The following PRKACB variants were observed in gnomAD, a reference collection of about 807,000 sequenced individuals.
PRKACB encodes the protein cAMP-dependent protein kinase catalytic subunit beta.
In PRKACB, 16 loss-of-function variants were observed where a neutral mutation model predicts 51.4. The observed-to-expected ratio is 0.31, with a 90% confidence interval of 0.21 to 0.47. The LOEUF is 0.47. Among genes scored for constraint, PRKACB ranks in the 20% least tolerant of loss-of-function variants. The pLI, the probability that PRKACB is intolerant of heterozygous loss-of-function variation, is 1.00. For missense variants in PRKACB, 309 were observed against 464.5 expected, an observed-to-expected ratio of 0.67 and a Z score of 3.08; for synonymous variants, 147 against 154.4, an observed-to-expected ratio of 0.95 and a Z score of 0.35.
chr1:84,130,433 T>A (rs1415849057), intron 1 of PRKACB, among the ~76,000 whole-genome samples: 5 of 151,884 alleles, frequency 3.3e-5, no homozygotes, highest in Non-Finnish European at 7.4e-5. Flanking sequence ...AAAGAGTCAG[T>A]GAATTAGAAC....
At chr1:84,219,645 A>G (rs1673406258) in intron 9 of PRKACB, among the ~76,000 whole-genome samples, 1 of 150,552 alleles carries the variant, frequency 6.6e-6, no homozygotes, top group Non-Finnish European at 1.5e-5. Flanking sequence ...AGAGAGAGGG[A>G]TCTAGTTTCA....
At chr1:84,082,016 T>G (rs1293793260) in intron 1 of PRKACB, among the ~76,000 whole-genome samples, 1 of 152,200 alleles carries the variant, frequency 6.6e-6, no homozygotes, top group Non-Finnish European at 1.5e-5. Context: ...AACTAACATT[T>G]TTTGAGGACT....
At chr1:84,146,964 G>A (rs1654181994) in intron 1 of PRKACB, among the ~76,000 whole-genome samples, 1 of 151,996 alleles carries the variant, frequency 6.6e-6, no homozygotes, top group African/African-American at 2.4e-5. Context: ...AAGCATGGAG[G>A]AATTCTGCTT....
chr1:84,199,956 G>A (rs141407254), intron 7 of PRKACB, among the ~76,000 whole-genome samples: 13 of 151,940 alleles, frequency 8.6e-5, no homozygotes, highest in East Asian at 3.9e-4. Context: ...AGCGATTCTC[G>A]TGCTTCAGGC....
intron 9 of PRKACB, among the ~76,000 whole-genome samples, chr1:84,234,437 T>C (rs574338826): frequency 9.9e-4 from 151 of 152,358 alleles, no homozygotes; most frequent in African/African-American, 3.5e-3. Flanking sequence ...TGTGGTGGGC[T>C]CCACCCAGTT....
At chr1:84,181,119 G>C (rs1398106313) in intron 2 of PRKACB, among the ~76,000 whole-genome samples, 1 of 151,970 alleles carries the variant, frequency 6.6e-6, no homozygotes, top group East Asian at 1.9e-4. Context: ...AGAATTGCCT[G>C]CTGTCTGTAA....
At chr1:84,187,434 C>T (rs2101054421) in intron 5 of PRKACB, among the ~76,000 whole-genome samples, 1 of 152,232 alleles carries the variant, frequency 6.6e-6, no homozygotes, top group African/African-American at 2.4e-5. Flanking sequence ...AAAAGCTGTT[C>T]ACACCATGGA....
At chr1:84,181,187 A>G (rs1427794714) in intron 2 of PRKACB, among the ~76,000 whole-genome samples, 1 of 151,940 alleles carries the variant, frequency 6.6e-6, no homozygotes, top group Non-Finnish European at 1.5e-5. Flanking sequence ...TGCAATACAG[A>G]TAAAATCCAA....
intron 2 of PRKACB, among the ~76,000 whole-genome samples, chr1:84,181,418 G>A (rs557512095): frequency 6.6e-6 from 1 of 151,932 alleles, no homozygotes; most frequent in South Asian, 2.1e-4. Flanking sequence ...ATTTTGTTGT[G>A]GCAGGAACAA....
At chr1:84,191,074 A>T (rs1417755339) in intron 5 of PRKACB, among the ~76,000 whole-genome samples, 1 of 151,994 alleles carries the variant, frequency 6.6e-6, no homozygotes, top group Non-Finnish European at 1.5e-5. Context: ...TTACCAGCTG[A>T]TTGCTTTGCA....
intron 9 of PRKACB, among the ~76,000 whole-genome samples, chr1:84,229,029 C>T (rs1675123499): frequency 6.7e-6 from 1 of 149,170 alleles, no homozygotes; most frequent in African/African-American, 2.5e-5. Flanking sequence ...GCGCTGCACC[C>T]ACTAACTCGT....
intron 1 of PRKACB, among the ~76,000 whole-genome samples, chr1:84,087,971 C>G (rs1648150073): frequency 6.6e-6 from 1 of 151,998 alleles, no homozygotes; most frequent in Non-Finnish European, 1.5e-5. Context: ...AAGATTTAGA[C>G]AAGTAAAAGC....
intron 5 of PRKACB, among the ~76,000 whole-genome samples, chr1:84,189,423 C>T (rs865819504): frequency 7.4e-5 from 11 of 149,290 alleles, no homozygotes; most frequent in African/African-American, 2.0e-4. Context: ...TTAAGATAAA[C>T]GTTTCTGCAT....
intron 1 of PRKACB, among the ~76,000 whole-genome samples, chr1:84,145,104 A>G (rs909993053): frequency 7.2e-5 from 11 of 152,240 alleles, no homozygotes; most frequent in African/African-American, 2.4e-4. Context: ...CTTTATAATT[A>G]TATTTTATGT....
chr1:84,134,585 A>C (rs571041617), intron 1 of PRKACB, among the ~76,000 whole-genome samples: 1 of 152,126 alleles, frequency 6.6e-6, no homozygotes, highest in African/African-American at 2.4e-5. Context: ...AGGATTCTAA[A>C]GAGAGATATA....
At chr1:84,205,707 C>T (rs1671233255) in intron 8 of PRKACB, among the ~76,000 whole-genome samples, 1 of 151,882 alleles carries the variant, frequency 6.6e-6, no homozygotes, top group African/African-American at 2.4e-5. Context: ...TTGTAAAATA[C>T]TTTCTCTATT....
At position 84,202,562 on chromosome 1, in the gene PRKACB, T is replaced by C. The variant is rs1670433886; in HGVS notation, c.784-121T>C. ...ATTTTTAAATTCTGTCCTGAATAGC[T>C]GCTCAGCAATTGCTTTAAAAAAATT... On this transcript the variant is annotated intron_variant, in intron 7 of 9. Coordinates refer to ENST00000370685, the MANE Select transcript of PRKACB (RefSeq NM_182948.4). 1.5e-5 allele frequency: 14 copies of C among 914,866 alleles called. No individual in the cohort carries two copies. In the South Asian group the frequency reaches 2.6e-4, roughly 17 times the overall value. The allele number at this position is 914,866 out of a possible 1,614,324, so 56.7% of individuals were successfully genotyped here. A position where few individuals can be genotyped will look rare whatever the true frequency, so the allele number is the denominator to read the frequency against.
At chr1:84,159,706 C>G (rs1655949908) in intron 1 of PRKACB, among the ~76,000 whole-genome samples, 1 of 152,078 alleles carries the variant, frequency 6.6e-6, no homozygotes. Context: ...TTAAATATGA[C>G]ATAAGTATAG....
chr1:84,183,918 T>C, intron 3 of PRKACB, 119 bp from the exon 4 acceptor site: 1 of 1,075,016 alleles, frequency 9.3e-7, no homozygotes, highest in Non-Finnish European at 1.3e-6. Context: ...TTATCTTCCT[T>C]ATCCAATTCT....
Sources: allele counts gnomAD v4.1 joint callset (sites outside exome capture counted in the v4.1 genomes callset), GRCh38; gene constraint gnomAD v4.1.1; transcripts MANE v1.5; gene names NCBI Gene and HGNC (gene_info 2026-07-23, HGNC 2026-07-21).